The following GABRA3 variants were observed in gnomAD, a reference collection of about 807,000 sequenced individuals.
The protein encoded by GABRA3 is gamma-aminobutyric acid receptor subunit alpha-3.
In GABRA3, 10 loss-of-function variants were observed where a neutral mutation model predicts 30.1. The ratio of observed to expected loss-of-function variants is 0.33; its 90% CI spans 0.20 to 0.56. The LOEUF (loss-of-function observed/expected upper bound fraction) is 0.56, where lower values mean the gene tolerates loss of function less well. Among genes scored for constraint, GABRA3 ranks in the 20% least tolerant of loss-of-function variants. The pLI is 0.89. For synonymous variants in GABRA3, 151 were observed against 146.8 expected (o/e 1.03, Z -0.21); for missense variants, 233 against 392.0 (o/e 0.59, Z 3.42).
chrX:152,321,969 T>G (rs922108427), intron 3 of GABRA3, among the ~76,000 whole-genome samples: 4 of 111,816 alleles, frequency 3.6e-5, no homozygotes, highest in Admixed American at 2.9e-4. Flanking sequence ...AATTGCTACA[T>G]GACCCCACAA....
At chrX:152,371,071 C>A (rs753414322) in intron 1 of GABRA3, among the ~76,000 whole-genome samples, 5 of 110,853 alleles carry the variant, frequency 4.5e-5, no homozygotes, top group Admixed American at 2.9e-4. Context: ...AAACCTTGGT[C>A]AAATCCAACT....
At chrX:152,322,627 G>A (rs887067086) in intron 3 of GABRA3, among the ~76,000 whole-genome samples, 1 of 106,788 alleles carries the variant, frequency 9.4e-6, no homozygotes, top group Non-Finnish European at 1.9e-5. Context: ...TCTGCCTCCC[G>A]GGTTGAAGCA....
At chrX:152,380,897 A>C (rs1929125135) in intron 1 of GABRA3, among the ~76,000 whole-genome samples, 1 of 111,706 alleles carries the variant, frequency 9.0e-6, no homozygotes, top group Non-Finnish European at 1.9e-5. Context: ...GGTGGGGTCT[A>C]GTGAAAGATG....
chrX:152,377,245 A>C (rs1929022465), intron 1 of GABRA3, among the ~76,000 whole-genome samples: 1 of 111,766 alleles, frequency 8.9e-6, no homozygotes, highest in East Asian at 2.8e-4. Context: ...TATAGTTGCT[A>C]TTCTTTATCC....
intron 1 of GABRA3, among the ~76,000 whole-genome samples, chrX:152,413,733 C>T (rs959757660): frequency 1.6e-4 from 18 of 110,122 alleles, no homozygotes; most frequent in African/African-American, 5.9e-4. Context: ...AAAATCAAGG[C>T]GAAGGTGTCC....
Position 152,223,466 on chromosome X carries a change from T to C in GABRA3, c.634+1297A>G, listed in dbSNP as rs377156245. ...AATTGTTCTTCATTTTTCCTTAGAA[T>C]ATAATTCAAAGACCTTTAATGGCCT... is the stretch of plus-strand genomic sequence containing the variant. On this transcript the variant is annotated intron_variant, in intron 6 of 9. Coordinates refer to ENST00000370314, the MANE Select transcript of GABRA3 (RefSeq NM_000808.4). Among the ~76,000 whole-genome samples the C allele has an allele frequency of 5.4e-5, 6 of 111,252 alleles. No individual in the cohort carries two copies. In the South Asian group the frequency reaches 1.5e-3, roughly 28 times the overall value.
At position 152,227,756 on chromosome X, in the gene GABRA3, T is replaced by G. The variant is rs1232768214; in HGVS notation, c.552-2911A>C. On this transcript the variant is annotated intron_variant, in intron 5 of 9. Coordinates refer to ENST00000370314, the MANE Select transcript of GABRA3 (RefSeq NM_000808.4). ...CCCTGTGAGGGACATATTGCAGACA[T>G]TATTATCATCTTTATTTCAAAAATA... 1.7e-4 allele frequency among the ~76,000 whole-genome samples: 19 copies of G among 109,811 alleles called. No individual in the cohort carries two copies. In the Admixed American group the frequency reaches 1.9e-3, roughly 11 times the overall value.
intron 1 of GABRA3, among the ~76,000 whole-genome samples, chrX:152,366,621 C>G (rs895485718): frequency 1.8e-5 from 2 of 112,269 alleles, no homozygotes; most frequent in Non-Finnish European, 3.8e-5. Context: ...AACAGCATTA[C>G]ATGAAATCAT....
intron 1 of GABRA3, among the ~76,000 whole-genome samples, chrX:152,444,952 T>C (rs1931043066): frequency 1.1e-5 from 1 of 88,217 alleles, no homozygotes. Context: ...TCCCAGCTAC[T>C]TGGGAGGCTG....
intron 6 of GABRA3, among the ~76,000 whole-genome samples, chrX:152,216,801 G>A (rs771130759): frequency 9.1e-6 from 1 of 109,867 alleles, no homozygotes; most frequent in South Asian, 3.9e-4. Flanking sequence ...AAAATAGCCA[G>A]AAGAGAGGAT....
intron 5 of GABRA3, among the ~76,000 whole-genome samples, chrX:152,243,320 T>G (rs1938412207): frequency 8.9e-6 from 1 of 111,902 alleles, no homozygotes; most frequent in Admixed American, 9.5e-5. Flanking sequence ...TATTTAAAAA[T>G]CGCTGAGAGC....
chrX:152,429,643 T>C (rs73626662), intron 1 of GABRA3, among the ~76,000 whole-genome samples: 3,557 of 111,648 alleles, frequency 0.032, 168 homozygotes, highest in African/African-American at 0.11. Context: ...AAATAGTTGT[T>C]TTGTCATCTA....
intron 5 of GABRA3, among the ~76,000 whole-genome samples, chrX:152,235,262 G>C (rs931635244): frequency 9.0e-6 from 1 of 111,437 alleles, no homozygotes; most frequent in African/African-American, 3.3e-5. Flanking sequence ...TTCTTAGCTT[G>C]ATCATTACTA....
At chrX:152,399,480 G>T (rs776443500) in intron 1 of GABRA3, among the ~76,000 whole-genome samples, 75 of 111,711 alleles carry the variant, frequency 6.7e-4, no homozygotes, top group African/African-American at 2.2e-3. Flanking sequence ...GGGAGCCAAA[G>T]ATCATACTAG....
At chrX:152,292,812 G>A (rs111687892) in intron 3 of GABRA3, among the ~76,000 whole-genome samples, 10 of 111,496 alleles carry the variant, frequency 9.0e-5, no homozygotes, top group African/African-American at 2.0e-4. Flanking sequence ...TTATTTACCC[G>A]GTAGTCATTC....
chrX:152,447,554 G>A (rs1019327856), intron 1 of GABRA3, among the ~76,000 whole-genome samples: 5 of 111,935 alleles, frequency 4.5e-5, no homozygotes, highest in African/African-American at 1.6e-4. Context: ...CCTACTCTAT[G>A]TCATATACTA....
At chrX:152,429,812 G>A (rs189651716) in intron 1 of GABRA3, among the ~76,000 whole-genome samples, 5 of 111,457 alleles carry the variant, frequency 4.5e-5, no homozygotes, top group African/African-American at 1.6e-4. Context: ...ATACCAATGG[G>A]GGCCCTAGGT....
intron 1 of GABRA3, among the ~76,000 whole-genome samples, chrX:152,427,347 C>T (rs1003122428): frequency 3.6e-5 from 4 of 111,626 alleles, no homozygotes; most frequent in Non-Finnish European, 7.5e-5. Context: ...GCCATACTGA[C>T]CTTCTCTTAC....
chrX:152,304,810 G>A (rs1603238158), intron 3 of GABRA3, among the ~76,000 whole-genome samples: 1 of 111,573 alleles, frequency 9.0e-6, no homozygotes, highest in South Asian at 3.7e-4. Context: ...TGTTCTGTAT[G>A]AATTTTAGAA....
Sources: allele counts gnomAD v4.1 joint callset (sites outside exome capture counted in the v4.1 genomes callset), GRCh38; gene constraint gnomAD v4.1.1; transcripts MANE v1.5; gene names NCBI Gene and HGNC (gene_info 2026-07-23, HGNC 2026-07-21).